Variants in TAFA2 observed in about 807,000 individuals in gnomAD.
TAFA2 encodes chemokine-like protein TAFA-2.
In TAFA2, 7 loss-of-function variants were observed where a neutral mutation model predicts 18.8. The ratio of observed to expected loss-of-function variants is 0.37; its 90% confidence interval spans 0.21 to 0.70. The LOEUF is 0.70. Among genes scored for constraint, TAFA2 ranks in the 30% least tolerant of loss-of-function variants. The pLI, the probability that TAFA2 is intolerant of heterozygous loss-of-function variation, is 0.53. For missense variants in TAFA2, 122 were observed against 158.1 expected, an observed-to-expected ratio of 0.77 and a Z score of 1.23; for synonymous variants, 60 against 54.2, an observed-to-expected ratio of 1.11 and a Z score of -0.47.
intron 1 of TAFA2, among the ~76,000 whole-genome samples, chr12:61,967,624 G>A (rs1879112553): frequency 6.6e-6 from 1 of 151,708 alleles, no homozygotes; most frequent in Non-Finnish European, 1.5e-5. Flanking sequence ...AGTGAAAGTT[G>A]AACCGACTCC....
At chr12:62,037,353 G>C (rs1410966930) in intron 1 of TAFA2, among the ~76,000 whole-genome samples, 1 of 152,188 alleles carries the variant, frequency 6.6e-6, no homozygotes, top group Non-Finnish European at 1.5e-5. Context: ...AATACCAAAA[G>C]AATCCTTCTG....
At chr12:62,001,392 T>A (rs1880371315) in intron 1 of TAFA2, among the ~76,000 whole-genome samples, 1 of 152,090 alleles carries the variant, frequency 6.6e-6, no homozygotes, top group South Asian at 2.1e-4. Context: ...TAATATATAA[T>A]AAAATAATTA....
intron 1 of TAFA2, among the ~76,000 whole-genome samples, chr12:62,143,297 G>A (rs1199339848): frequency 6.6e-6 from 1 of 152,196 alleles, no homozygotes; most frequent in Non-Finnish European, 1.5e-5. Context: ...CCATGGATGA[G>A]TAGTCAATTG....
chr12:62,164,156 T>C (rs1041777159), intron 1 of TAFA2, among the ~76,000 whole-genome samples: 1 of 152,154 alleles, frequency 6.6e-6, no homozygotes, highest in Non-Finnish European at 1.5e-5. Flanking sequence ...TGAATCCTTC[T>C]GCATAGCGCT....
At chr12:62,213,969 C>T (rs562147373) in intron 1 of TAFA2, among the ~76,000 whole-genome samples, 2 of 152,264 alleles carry the variant, frequency 1.3e-5, no homozygotes, top group Middle Eastern at 6.8e-3. Flanking sequence ...GATATCGAAT[C>T]AAGTTCCCAG....
chr12:62,127,353 T>C (rs953638282), intron 1 of TAFA2, among the ~76,000 whole-genome samples: 2 of 152,032 alleles, frequency 1.3e-5, no homozygotes, highest in African/African-American at 4.8e-5. Flanking sequence ...CTTTCTCCAT[T>C]GGCAGGTATA....
At chr12:62,001,160 T>A (rs1043852045) in intron 1 of TAFA2, among the ~76,000 whole-genome samples, 1 of 152,174 alleles carries the variant, frequency 6.6e-6, no homozygotes, top group Non-Finnish European at 1.5e-5. Flanking sequence ...GTTGCTAAAA[T>A]TTTTTGTTCC....
chr12:61,807,631 C>T (rs756559196), intron 2 of TAFA2, among the ~76,000 whole-genome samples: 1 of 151,388 alleles, frequency 6.6e-6, no homozygotes, highest in Non-Finnish European at 1.5e-5. Flanking sequence ...CAACACTAGC[C>T]CATGAAAGCA....
rs547268781 is a variant in TAFA2 at position 61,757,329 on chromosome 12, T to G, written c.107-2305A>C. ...GGAAAGAAGAATCAAGAATTACCCC[T>G]AAGCTTGGACTGAGCAATGAGAAGT... On this transcript the variant is annotated intron_variant, in intron 2 of 4. Transcript: ENST00000416284. 3.3e-5 allele frequency among the ~76,000 whole-genome samples: 5 copies of G among 152,126 alleles called. No individual in the cohort carries two copies. The South Asian group carries it at 1.0e-3, about 32-fold the overall frequency.
intron 1 of TAFA2, among the ~76,000 whole-genome samples, chr12:62,202,158 C>T (rs1452594965): frequency 6.6e-6 from 1 of 151,804 alleles, no homozygotes; most frequent in Non-Finnish European, 1.5e-5. Flanking sequence ...AGCTAACAGT[C>T]TATTTTATTA....
chr12:62,079,605 A>G (rs917936744), intron 1 of TAFA2, among the ~76,000 whole-genome samples: 1 of 151,860 alleles, frequency 6.6e-6, no homozygotes, highest in South Asian at 2.1e-4. Context: ...TAGAGGTTGC[A>G]GTAAGCCGAG....
At chr12:61,724,803 A>G (rs1040089310) in intron 4 of TAFA2, among the ~76,000 whole-genome samples, 44 of 122,600 alleles carry the variant, frequency 3.6e-4, no homozygotes, top group Middle Eastern at 8.2e-3. Context: ...GTGTGTGTGT[A>G]TACACCAGAT....
intron 1 of TAFA2, among the ~76,000 whole-genome samples, chr12:61,926,925 A>C (rs1489149539): frequency 6.6e-6 from 1 of 151,884 alleles, no homozygotes; most frequent in Non-Finnish European, 1.5e-5. Context: ...AAGTACCAAA[A>C]TTAGCTGGGC....
chr12:62,070,178 G>A (rs977261024), intron 1 of TAFA2, among the ~76,000 whole-genome samples: 1 of 152,122 alleles, frequency 6.6e-6, no homozygotes, highest in Non-Finnish European at 1.5e-5. Context: ...CTTGAATGAG[G>A]TGCAATAATA....
At chr12:61,829,056 A>G (rs967477096) in intron 2 of TAFA2, among the ~76,000 whole-genome samples, 1 of 151,770 alleles carries the variant, frequency 6.6e-6, no homozygotes, top group African/African-American at 2.4e-5. Flanking sequence ...TTCAAATTGA[A>G]TTTATTTAAA....
intron 1 of TAFA2, among the ~76,000 whole-genome samples, chr12:62,014,124 A>G (rs957975094): frequency 6.6e-6 from 1 of 152,176 alleles, no homozygotes; most frequent in Non-Finnish European, 1.5e-5. Context: ...ACATCAAAAC[A>G]TTCTACTGAC....
intron 1 of TAFA2, among the ~76,000 whole-genome samples, chr12:62,182,990 C>A (rs1447164396): frequency 1.3e-5 from 2 of 152,186 alleles, no homozygotes; most frequent in East Asian, 1.9e-4. Context: ...CAGATGTCTG[C>A]CTTTTTTGTA....
intron 2 of TAFA2, among the ~76,000 whole-genome samples, chr12:61,762,159 A>G (rs1869578980): frequency 1.3e-5 from 2 of 152,050 alleles, no homozygotes; most frequent in South Asian, 4.1e-4. Flanking sequence ...TTCTTTATAA[A>G]TTACCCAGTC....
At chr12:61,742,491 T>C (rs1254359654) in intron 4 of TAFA2, among the ~76,000 whole-genome samples, 1 of 152,048 alleles carries the variant, frequency 6.6e-6, no homozygotes, top group African/African-American at 2.4e-5. Flanking sequence ...CAGACTCTGG[T>C]CTTTCTTGGT....
Sources: gnomAD v4.1 joint callset for allele counts (sites outside exome capture counted in the v4.1 genomes callset) on GRCh38, gnomAD v4.1.1 for gene constraint, MANE v1.5 for transcripts, NCBI Gene and HGNC (gene_info 2026-07-23, HGNC 2026-07-21) for gene names.